The following WASHC2A variants were observed in gnomAD, a reference collection of about 807,000 sequenced individuals.
The protein encoded by WASHC2A is WASH complex subunit FAM21A.
Under a neutral mutation model 140.3 loss-of-function variants are expected in WASHC2A, and 82 were observed. The ratio of observed to expected loss-of-function variants is 0.58; its 90% confidence interval spans 0.49 to 0.70. WASHC2A has a LOEUF of 0.70. Among genes scored for constraint, WASHC2A ranks in the 30% least tolerant of loss-of-function variants. WASHC2A has a pLI of 0.00. For missense variants in WASHC2A, 985 were observed against 1,521.8 expected, an observed-to-expected ratio of 0.65 and a Z score of 5.87; for synonymous variants, 340 against 560.8, an observed-to-expected ratio of 0.61 and a Z score of 5.56.
chr10:50,076,295 A>G (rs1167920365), intron 3 of WASHC2A, among the ~76,000 whole-genome samples: 1 of 152,196 alleles, frequency 6.6e-6, no homozygotes, highest in Non-Finnish European at 1.5e-5. Context: ...ATATTGTGCC[A>G]CAGAATATTT....
chr10:50,099,661 A>C (rs1317102745), intron 16 of WASHC2A, among the ~76,000 whole-genome samples: 9 of 136,188 alleles, frequency 6.6e-5, no homozygotes, highest in African/African-American at 8.8e-5. Context: ...CCTGCCGACC[A>C]CCTAAGGCCC....
chr10:50,091,072 TG>T (rs1839883360), intron 9 of WASHC2A, among the ~76,000 whole-genome samples, 186 bp downstream of exon 9: 1 of 151,608 alleles, frequency 6.6e-6, no homozygotes, highest in African/African-American at 2.4e-5. Flanking sequence ...CCAGATGTTA[TG>T]ATTTTATGAG....
chr10:50,131,056 G>A lies in WASHC2A; in HGVS notation c.3864G>A (p.Lys1288=), dbSNP rs1344766359. ...KEKSKKKVEA[K]SIFDDDMDDI... ...AGTCCAAAAAGAAAGTGGAAGCCAA[G>A]TCTATATTTGATGATGATATGGGTA... Residue 1288 remains lysine, a synonymous_variant, in exon 30 of 31, where the codon AAG becomes AAA. Transcript: ENST00000282633. The A allele has an allele frequency of 2.5e-6, 4 of 1,611,826 alleles. No homozygotes were observed.
chr10:50,114,544 A>G (rs1293965292), intron 21 of WASHC2A, among the ~76,000 whole-genome samples: 16 of 144,388 alleles, frequency 1.1e-4, no homozygotes, highest in African/African-American at 3.8e-4. Flanking sequence ...AAAAAAAAAA[A>G]GCGTAAACAC....
chr10:50,078,869 A>C (rs1433111800), intron 4 of WASHC2A, 132 bp downstream of exon 4: 46 of 1,558,822 alleles, frequency 3.0e-5, no homozygotes, highest in Non-Finnish European at 8.8e-6. Context: ...ACAGCAGCCC[A>C]AGAGGGGATT....
intron 30 of WASHC2A, 50 bp from the exon 31 acceptor site, chr10:50,132,756 A>G: frequency 1.2e-6 from 2 of 1,612,000 alleles, no homozygotes; most frequent in Non-Finnish European, 1.7e-6. Context: ...TCTTAAAAGT[A>G]CCTTTCTCCA....
intron 16 of WASHC2A, 42 bp downstream of exon 16, chr10:50,097,844 C>G (rs1414519537): frequency 6.2e-7 from 1 of 1,611,264 alleles, no homozygotes; most frequent in South Asian, 1.1e-5. Flanking sequence ...ATTGATCTGC[C>G]GCATTTTAAT....
chr10:50,078,484 G>A, intron 3 of WASHC2A, 191 bp from the exon 4 acceptor site: 14 of 706,124 alleles, frequency 2.0e-5, no homozygotes, highest in Non-Finnish European at 2.4e-5. Context: ...TTTTTTTGGT[G>A]AATGGACTAT....
At chr10:50,111,772 G>A (rs1347418003) in intron 20 of WASHC2A, among the ~76,000 whole-genome samples, 4,225 of 146,334 alleles carry the variant, frequency 0.029, no homozygotes, top group African/African-American at 0.054. Context: ...GCTCACGCCT[G>A]TAATCCCAGC....
intron 23 of WASHC2A, among the ~76,000 whole-genome samples, chr10:50,124,559 A>C (rs1214802902): frequency 5.9e-5 from 9 of 152,216 alleles, no homozygotes; most frequent in Non-Finnish European, 1.3e-4. Flanking sequence ...TCGGAGTCTG[A>C]AAGTAGGGCA....
chr10:50,123,221 C>T (rs1352679254), intron 23 of WASHC2A, among the ~76,000 whole-genome samples: 8,690 of 95,812 alleles, frequency 0.091, 251 homozygotes, highest in Non-Finnish European at 0.14. Context: ...CATAAAGCTA[C>T]CACACAATCC....
At chr10:50,102,972 T>C (rs1841358871) in intron 17 of WASHC2A, among the ~76,000 whole-genome samples, 1 of 151,878 alleles carries the variant, frequency 6.6e-6, no homozygotes, top group African/African-American at 2.4e-5. Flanking sequence ...GTTCAAGCAA[T>C]TCTCCTGCCA....
Position 50,095,738 on chromosome 10 carries a change from C to A in WASHC2A, c.1380C>A (p.Asp460Glu), listed in dbSNP as rs1286146840. ...LFDDDDGDDDDDFFSAPHSKP... is the reference protein window; with the variant it reads ...LFDDDDGDDDEDFFSAPHSKP... ...ATGATGATGATGGTGATGATGATGACGACTTTTTCTCGGCACCCCACAGCA... is the reference window on the plus strand; with the variant it reads ...ATGATGATGATGGTGATGATGATGAAGACTTTTTCTCGGCACCCCACAGCA... The change falls in exon 15 of 31, where the codon GAC (aspartate) becomes GAA (glutamate). Residue 460 changes from aspartate (D) to glutamate (E), a missense_variant. Transcript: ENST00000282633. 6.2e-7 allele frequency: 1 copy of A among 1,611,112 alleles called. No homozygotes were observed. The highest frequency in any genetic ancestry group is 8.5e-7 in the Non-Finnish European group (1 of 1,179,608).
intron 23 of WASHC2A, among the ~76,000 whole-genome samples, chr10:50,122,201 CT>C (rs1843081664): frequency 6.7e-6 from 1 of 149,146 alleles, no homozygotes; most frequent in Non-Finnish European, 1.5e-5. Context: ...CAGTCAGTTG[CT>C]TAAGGTGCCA....
chr10:50,077,166 C>T (rs1380250898), intron 3 of WASHC2A, among the ~76,000 whole-genome samples: 5 of 151,226 alleles, frequency 3.3e-5, no homozygotes, highest in African/African-American at 9.7e-5. Context: ...TGGTGGTGCC[C>T]GCCTGTAATC....
intron 21 of WASHC2A, among the ~76,000 whole-genome samples, chr10:50,114,693 CAA>C (rs1842553718): frequency 1.5e-5 from 1 of 66,960 alleles, no homozygotes; most frequent in Non-Finnish European, 2.8e-5. Context: ...TTCATACTCT[CAA>C]TGCCTTTTTA....
At chr10:50,089,180 G>A (rs1325363131) in intron 8 of WASHC2A, among the ~76,000 whole-genome samples, 1 of 137,860 alleles carries the variant, frequency 7.3e-6, no homozygotes, top group Admixed American at 7.6e-5. Context: ...GGCGCGGCTG[G>A]TCTTGAACTC....
chr10:50,074,998 T>TGAAAA (rs1181880535), intron 3 of WASHC2A, among the ~76,000 whole-genome samples: 1 of 152,090 alleles, frequency 6.6e-6, no homozygotes, highest in Non-Finnish European at 1.5e-5. Context: ...ATTGAACTTT[T>TGAAAA]CAGTGTATTT....
At chr10:50,125,888 CCA>C (rs1843383985) in intron 25 of WASHC2A, among the ~76,000 whole-genome samples, 167 bp from the exon 26 acceptor site, 1 of 152,114 alleles carries the variant, frequency 6.6e-6, no homozygotes. Context: ...CCTGTGACAG[CCA>C]CAGTCTTCAG....
Sources: allele counts gnomAD v4.1 joint callset (sites outside exome capture counted in the v4.1 genomes callset), GRCh38; gene constraint gnomAD v4.1.1; transcripts MANE v1.5; gene names NCBI Gene and HGNC (gene_info 2026-07-23, HGNC 2026-07-21).